ZNF862: variants seen among roughly 807,000 people sequenced by gnomAD.
The protein encoded by ZNF862 is zinc finger protein 862.
In ZNF862, 64 loss-of-function variants were observed where a neutral mutation model predicts 91.1. The ratio of observed to expected loss-of-function variants is 0.70; its 90% confidence interval spans 0.57 to 0.87. The LOEUF (loss-of-function observed/expected upper bound fraction) is 0.87, where lower values mean the gene tolerates loss of function less well. Among genes scored for constraint, ZNF862 ranks in the 40% least tolerant of loss-of-function variants. ZNF862 has a pLI of 0.00. For missense variants in ZNF862, 1,459 were observed against 1,528.0 expected, an observed-to-expected ratio of 0.95 and a Z score of 0.75; for synonymous variants, 631 against 618.1, an observed-to-expected ratio of 1.02 and a Z score of -0.31.
At chr7:149,840,477 TTA>T (rs1801666128) in intron 1 of ZNF862, among the ~76,000 whole-genome samples, 2 of 152,214 alleles carry the variant, frequency 1.3e-5, no homozygotes, top group Non-Finnish European at 2.9e-5. Flanking sequence ...CGGCGTAGCC[TTA>T]GTGTGCAGTG....
chr7:149,846,590 C>T (rs1801879733), intron 3 of ZNF862, among the ~76,000 whole-genome samples: 1 of 136,770 alleles, frequency 7.3e-6, no homozygotes, highest in South Asian at 2.4e-4. Flanking sequence ...AGTAGATAAT[C>T]ACTGAATGAA....
Position 149,866,379 on chromosome 7 carries a change from G to T in ZNF862, c.*2095G>T, listed in dbSNP as rs1209643613. 6.6e-6 allele frequency: 1 copy of T among 152,260 alleles called. No individual in the cohort carries two copies. Among genetic ancestry groups the T allele is most frequent in the Non-Finnish European group, 1.5e-5 (1 of 68,064 alleles). 9.4% of individuals were successfully genotyped at this position (152,260 alleles called of 1,614,324 possible). On this transcript the variant is annotated 3_prime_UTR_variant, in exon 8 of 8. Transcript: ENST00000223210. ...AACTCGTGGAAAGGGAGGGAGAAAGGCTTTTTTAGGTGGGGCTATAGCCTC... is the reference window on the plus strand; with the variant it reads ...AACTCGTGGAAAGGGAGGGAGAAAGTCTTTTTTAGGTGGGGCTATAGCCTC...
Position 149,860,564 on chromosome 7 carries a change from A to T in ZNF862, c.1404A>T (p.Ser468=). ...ACAGGCCCCGTTCCATTCAGAGGTC[A>T]TGGTTTGGGCAGTTCCCATGGTTAG... ...RTYRPRSIQR[S]WFGQFPWLVI... Residue 468 remains serine, a synonymous_variant, in exon 7 of 8, where the codon TCA becomes TCT. Transcript: ENST00000223210. The T allele has an allele frequency of 6.2e-7, 1 of 1,614,004 alleles. No homozygotes were observed. Among genetic ancestry groups the T allele is most frequent in the Non-Finnish European group, 8.5e-7 (1 of 1,179,858 alleles).
chr7:149,859,673 A>T (rs2128941145), intron 6 of ZNF862, 147 bp downstream of exon 6: 1 of 636,696 alleles, frequency 1.6e-6, no homozygotes, highest in South Asian at 1.9e-5. Flanking sequence ...AGACAAGATG[A>T]ATAAGCAACT....
intron 3 of ZNF862, among the ~76,000 whole-genome samples, chr7:149,847,213 G>A (rs1801900560): frequency 6.6e-6 from 1 of 152,208 alleles, no homozygotes; most frequent in Admixed American, 6.5e-5. Context: ...TGAGAACTGG[G>A]TCAGCATCCA....
intron 1 of ZNF862, among the ~76,000 whole-genome samples, chr7:149,840,525 AG>A (rs1801667409): frequency 6.6e-6 from 1 of 152,156 alleles, no homozygotes; most frequent in Non-Finnish European, 1.5e-5. Context: ...GTCATGTCCT[AG>A]GCCTTCACAT....
chr7:149,859,443 A>T lies in ZNF862; in HGVS notation c.1139A>T (p.Asp380Val). 1 of 1,584,494 alleles carries T rather than the reference A, an allele frequency of 6.3e-7. No homozygotes were observed. Among genetic ancestry groups the T allele is most frequent in the African/African-American group, 1.3e-5 (1 of 74,404 alleles). The change falls in exon 6 of 8, where the codon GAC becomes GTC. Residue 380 changes from aspartate to valine, a missense_variant. Coordinates refer to ENST00000223210, the MANE Select transcript of ZNF862 (RefSeq NM_001099220.3). ...ACAGGACCTGCCGCTGCCAAGCCAG[A>T]CTTGATCTCCAAACTGGAGCGGAGG... ...ASLGPAAAKP[D>V]LISKLERRAA...
chr7:149,844,524 C>T, intron 1 of ZNF862, 101 bp from the exon 2 acceptor site: 1 of 730,456 alleles, frequency 1.4e-6, no homozygotes, highest in East Asian at 2.8e-5. Flanking sequence ...AAATTGACAA[C>T]ACCCCTCCCC....
In ZNF862 at chr7:149,861,144, C is replaced by T; in HGVS notation, c.1984C>T (p.Leu662Phe). The T allele has an allele frequency of 6.2e-7, 1 of 1,613,100 alleles. No homozygotes were observed. The highest frequency in any genetic ancestry group is 2.2e-5 in the East Asian group (1 of 44,852). The change falls in exon 7 of 8, where the codon CTC (leucine) becomes TTC (phenylalanine). Residue 662 changes from leucine to phenylalanine, a missense_variant. Transcript: ENST00000223210. This position sits in a 1 kb window ranked among gnomAD's most constrained non-coding sequence, Gnocchi z 6.7. The stretch of plus-strand genomic sequence containing the variant: ...AGAGTCCTACATCACTCTGGCCCCT[C>T]TCTACAGTGAGACAGCAGATGGGTA... ...VKESYITLAP[L>F]YSETADGYFE...
At chr7:149,854,364 T>C (rs1167678849) in intron 5 of ZNF862, among the ~76,000 whole-genome samples, 1 of 152,148 alleles carries the variant, frequency 6.6e-6, no homozygotes, top group Non-Finnish European at 1.5e-5. Flanking sequence ...GTGTGACAAC[T>C]TGAGTGCATG....
At position 149,862,463 on chromosome 7, in the gene ZNF862, C is replaced by G. The variant is rs766495809; in HGVS notation, c.3303C>G (p.Thr1101=). ...GCCGGCGTTTCAGCCATGTCTACAC[C>G]TGTGCCCAGGTGCCAGCCCGCTCCC... The part of the protein sequence containing the change: ...SSGRRFSHVY[T]CAQVPARSPA... Residue 1101 remains threonine, a synonymous_variant, in exon 7 of 8, where the codon ACC becomes ACG. Coordinates refer to ENST00000223210, the MANE Select transcript of ZNF862 (RefSeq NM_001099220.3). The G allele has an allele frequency of 1.2e-6, 2 of 1,604,000 alleles. No individual in the cohort carries two copies. Among genetic ancestry groups the G allele is most frequent in the South Asian group, 2.2e-5 (2 of 90,808 alleles).
chr7:149,860,708 A>G lies in ZNF862; in HGVS notation c.1548A>G (p.Leu516=), dbSNP rs1006504736. The G allele has an allele frequency of 6.2e-7, 1 of 1,613,828 alleles. No individual in the cohort carries two copies. Among genetic ancestry groups the G allele is most frequent in the Non-Finnish European group, 8.5e-7 (1 of 1,179,904 alleles). ...GYTGPFKVET[L]KYHEVSKAHR... ...CGGGGCCTTTTAAAGTGGAGACTTT[A>G]AAATACCATGAAGTCAGCAAAGCGC... The change falls in exon 7 of 8, where the codon TTA becomes TTG. Residue 516 remains leucine, a synonymous_variant. Transcript: ENST00000223210.
At chr7:149,839,857 T>G (rs1449181393) in intron 1 of ZNF862, among the ~76,000 whole-genome samples, 5 of 152,190 alleles carry the variant, frequency 3.3e-5, no homozygotes, top group East Asian at 1.9e-4. Context: ...TGGTTTAGAT[T>G]GAACCTGAAT....
rs766675868 is a variant in ZNF862, at chr7:149,861,129, A to G, written c.1969A>G (p.Ile657Val). ...FKQMEVKESYITLAPLYSETA... is the reference protein window; with the variant it reads ...FKQMEVKESYVTLAPLYSETA... Reference sequence around the variant, plus strand: ...GCAGATGGAGGTGAAAGAGTCCTACATCACTCTGGCCCCTCTCTACAGTGA... The same window carrying G: ...GCAGATGGAGGTGAAAGAGTCCTACGTCACTCTGGCCCCTCTCTACAGTGA... Residue 657 changes from isoleucine (I) to valine (V), a missense_variant, in exon 7 of 8, where the codon ATC (isoleucine) becomes GTC (valine). Ile to Val is a conservative substitution (Grantham distance 29, BLOSUM62 3). Transcript: ENST00000223210. This position sits in a 1 kb window ranked among gnomAD's most constrained non-coding sequence, Gnocchi z 6.7. The G allele has an allele frequency of 6.2e-7, 1 of 1,612,982 alleles. No individual in the cohort carries two copies. The highest frequency in any genetic ancestry group is 2.2e-5 in the East Asian group (1 of 44,842).
chr7:149,849,686 C>T (rs1190288837), intron 4 of ZNF862, among the ~76,000 whole-genome samples: 3 of 152,170 alleles, frequency 2.0e-5, no homozygotes, highest in East Asian at 1.9e-4. Flanking sequence ...GCTAATGAAC[C>T]GATGTAACCT....
Position 149,850,238 on chromosome 7 carries a change from A to G in ZNF862, c.1017A>G (p.Ala339=), listed in dbSNP as rs780284342. Residue 339 remains alanine (A), a synonymous_variant, in exon 5 of 8, where the codon GCA becomes GCG. Transcript: ENST00000223210. The surrounding 1 kb of genome is among the most constrained non-coding windows in gnomAD (Gnocchi z 4.2). The stretch of plus-strand genomic sequence containing the variant: ...TGCCGGTGGTGTTCGAGGATGTGGC[A>G]GTGTATTTCACCCGGGAGGAGTGGG... ...EELPVVFEDV[A]VYFTREEWGM... is the part of the protein sequence containing the mutation. 1 of 1,611,996 alleles carries G rather than the reference A, an allele frequency of 6.2e-7. No homozygotes were observed. Among genetic ancestry groups the G allele is most frequent in the African/African-American group, 1.3e-5 (1 of 74,852 alleles).
intron 1 of ZNF862, chr7:149,841,748 C>T: frequency 1.0e-6 from 1 of 985,342 alleles, no homozygotes; most frequent in Non-Finnish European, 1.2e-6. Context: ...TGTTTCTTGG[C>T]CCTCTCTATC....
rs79681781 is a variant in ZNF862, at chr7:149,839,915, T to C, written c.24+1280T>C. On this transcript the variant is annotated intron_variant, in intron 1 of 7. Transcript: ENST00000223210. ...TAGGGGGAAGAAGGATTATAAAATA[T>C]TGGGATTGATATTGGTATCAGTGAT... Among the ~76,000 whole-genome samples, 1,264 of 152,252 alleles carry C rather than the reference T, an allele frequency of 8.3e-3. 14 individuals are homozygous for C. Among genetic ancestry groups the C allele is most frequent in the African/African-American group, 0.029 (1,213 of 41,544 alleles).
chr7:149,841,457 A>C (rs1486694360), intron 1 of ZNF862: 19 of 981,558 alleles, frequency 1.9e-5, no homozygotes, highest in Non-Finnish European at 2.2e-5. Context: ...TCACTAAATA[A>C]AATTCTCATG....
Sources: allele counts gnomAD v4.1 joint callset (sites outside exome capture counted in the v4.1 genomes callset), GRCh38; gene constraint gnomAD v4.1.1; non-coding constraint Gnocchi (gnomAD v3.1); transcripts MANE v1.5; gene names NCBI Gene and HGNC (gene_info 2026-07-23, HGNC 2026-07-21).